Variants in PLPP1 observed in about 807,000 individuals in gnomAD.
The protein encoded by PLPP1 is phospholipid phosphatase 1, also known as lipid phosphate phosphohydrolase 1a.
Under a neutral mutation model 31.2 loss-of-function variants are expected in PLPP1, and 24 were observed. The observed-to-expected ratio is 0.77, with a 90% CI of 0.56 to 1.08. The LOEUF is 1.08. Ranked by LOEUF, PLPP1 falls within the 50% of genes least tolerant of loss-of-function variation. PLPP1 has a pLI of 0.00. For missense variants in PLPP1, 319 were observed against 342.7 expected, an observed-to-expected ratio of 0.93 and a Z score of 0.55; for synonymous variants, 146 against 126.3, an observed-to-expected ratio of 1.16 and a Z score of -1.05.
chr5:55,458,887 C>CAAAAAAAAAAAAAAAAAA (rs529067608), intron 3 of PLPP1, among the ~76,000 whole-genome samples: 1 of 21,098 alleles, frequency 4.7e-5, no homozygotes, highest in African/African-American at 1.1e-4. Flanking sequence ...ACCCTGTCTC[C>CAAAAAAAAAAAAAAAAAA]AAAAAAAAAA....
chr5:55,514,763 A>G (rs1392083865), intron 1 of PLPP1, among the ~76,000 whole-genome samples: 2 of 152,248 alleles, frequency 1.3e-5, no homozygotes, highest in Non-Finnish European at 2.9e-5. Context: ...GCAGTAGCAA[A>G]TAATATTTCC....
At chr5:55,459,340 A>AT (rs1752100877) in intron 3 of PLPP1, among the ~76,000 whole-genome samples, 1 of 152,180 alleles carries the variant, frequency 6.6e-6, no homozygotes, top group Non-Finnish European at 1.5e-5. Flanking sequence ...CAACAATTAT[A>AT]GTTAGAGATT....
At chr5:55,469,689 C>T (rs976983245) in intron 2 of PLPP1, among the ~76,000 whole-genome samples, 6 of 152,074 alleles carry the variant, frequency 3.9e-5, no homozygotes, top group African/African-American at 1.4e-4. Context: ...TAATGAGGAT[C>T]AACTGTCTTC....
At chr5:55,525,735 G>A (rs1740407959) in intron 1 of PLPP1, among the ~76,000 whole-genome samples, 2 of 152,156 alleles carry the variant, frequency 1.3e-5, no homozygotes, top group Non-Finnish European at 2.9e-5. Context: ...AAGATGAGCA[G>A]AAGGAAGGGA....
chr5:55,429,467 G>A (rs1452322207), intron 4 of PLPP1, among the ~76,000 whole-genome samples: 1 of 152,098 alleles, frequency 6.6e-6, no homozygotes, highest in Non-Finnish European at 1.5e-5. Flanking sequence ...CTGGAGAAGG[G>A]TAAGTGACCC....
At chr5:55,511,017 G>A (rs576817356) in intron 1 of PLPP1, among the ~76,000 whole-genome samples, 5 of 152,116 alleles carry the variant, frequency 3.3e-5, no homozygotes, top group Non-Finnish European at 7.4e-5. Context: ...AGCCCCCATG[G>A]ACCTTATACA....
At chr5:55,497,036 A>G (rs1469257950) in intron 1 of PLPP1, among the ~76,000 whole-genome samples, 2 of 152,204 alleles carry the variant, frequency 1.3e-5, no homozygotes, top group Admixed American at 1.3e-4. Context: ...TAAAGTGACT[A>G]CACTGATTCA....
At chr5:55,507,929 C>T (rs188273956) in intron 1 of PLPP1, among the ~76,000 whole-genome samples, 3 of 151,386 alleles carry the variant, frequency 2.0e-5, no homozygotes, top group African/African-American at 7.3e-5. Flanking sequence ...ACAATCTCAA[C>T]TCACTGCAAC....
rs1286575705 is a variant in PLPP1, at chr5:55,514,928, G to A, written c.58+19644C>T. ...AAACAACTGTTACCATGAGAAGCAA[G>A]AAAACAGGTAGACATCAGCTTATTG... On this transcript the variant is annotated intron_variant, in intron 1 of 5. Transcript: ENST00000307259. Among the ~76,000 whole-genome samples, 42 of 152,306 alleles carry A rather than the reference G, an allele frequency of 2.8e-4. 1 individual carries two copies. The highest frequency in any genetic ancestry group is 2.9e-5 in the Non-Finnish European group (2 of 68,026).
intron 3 of PLPP1, among the ~76,000 whole-genome samples, chr5:55,463,793 ATAAATAAATAAAT>A (rs1255849610): frequency 7.4e-6 from 1 of 135,064 alleles, no homozygotes; most frequent in Non-Finnish European, 1.6e-5. Flanking sequence ...AAATAAATAA[ATAAATAAATAAAT>A]AAATAAATAA....
chr5:55,496,289 A>G (rs1753002467), intron 1 of PLPP1, among the ~76,000 whole-genome samples: 1 of 152,220 alleles, frequency 6.6e-6, no homozygotes. Context: ...TACCTAAAGA[A>G]CATAGATACT....
intron 1 of PLPP1, among the ~76,000 whole-genome samples, chr5:55,512,569 A>G (rs893879693): frequency 4.0e-5 from 6 of 148,842 alleles, no homozygotes; most frequent in African/African-American, 1.3e-4. Context: ...AGAAAGAAAG[A>G]AAGAAAGGTA....
chr5:55,508,069 G>A (rs1250087749), intron 1 of PLPP1, among the ~76,000 whole-genome samples: 3 of 151,878 alleles, frequency 2.0e-5, no homozygotes, highest in Admixed American at 1.3e-4. Flanking sequence ...TGTTGGCTAT[G>A]CTGGTCTCAA....
At chr5:55,522,953 C>T (rs1208393837) in intron 1 of PLPP1, among the ~76,000 whole-genome samples, 2 of 152,092 alleles carry the variant, frequency 1.3e-5, no homozygotes, top group African/African-American at 2.4e-5. Context: ...CTCCTGACCT[C>T]GTGATCCACC....
At chr5:55,439,971 T>C (rs1235351065) in intron 4 of PLPP1, among the ~76,000 whole-genome samples, 1 of 152,134 alleles carries the variant, frequency 6.6e-6, no homozygotes, top group African/African-American at 2.4e-5. Flanking sequence ...CAATACAGCA[T>C]GGGATCCTGA....
intron 1 of PLPP1, among the ~76,000 whole-genome samples, chr5:55,506,967 G>A (rs1167786918): frequency 6.6e-6 from 1 of 152,072 alleles, no homozygotes; most frequent in Non-Finnish European, 1.5e-5. Context: ...TACATTTTGG[G>A]GAGAAAAATA....
At chr5:55,502,658 T>C (rs950796625) in intron 1 of PLPP1, among the ~76,000 whole-genome samples, 3 of 152,228 alleles carry the variant, frequency 2.0e-5, no homozygotes, top group African/African-American at 7.2e-5. Context: ...CTAATGGATC[T>C]CATGCTGGAT....
chr5:55,438,121 A>G (rs1014297272), intron 4 of PLPP1, among the ~76,000 whole-genome samples: 7 of 152,214 alleles, frequency 4.6e-5, no homozygotes, highest in African/African-American at 1.7e-4. Context: ...TACAGCCTCA[A>G]TAGAAGGGTC....
At chr5:55,459,286 T>TA (rs1232215660) in intron 3 of PLPP1, among the ~76,000 whole-genome samples, 1 of 148,712 alleles carries the variant, frequency 6.7e-6, no homozygotes, top group Non-Finnish European at 1.5e-5. Context: ...GGCCACAAGA[T>TA]AAAAAAACAA....
Sources: gnomAD v4.1 joint callset for allele counts (sites outside exome capture counted in the v4.1 genomes callset) on GRCh38, gnomAD v4.1.1 for gene constraint, MANE v1.5 for transcripts, NCBI Gene and HGNC (gene_info 2026-07-23, HGNC 2026-07-21) for gene names.